The following ERICH5 variants were observed in gnomAD, a reference collection of about 807,000 sequenced individuals.
ERICH5 encodes glutamate-rich protein 5.
A neutral mutation model predicts 28.0 loss-of-function variants in ERICH5; 24 were observed. The ratio of observed to expected loss-of-function variants is 0.86; its 90% CI spans 0.62 to 1.21. ERICH5 has a LOEUF of 1.21. Among genes scored for constraint, ERICH5 ranks in the 50% most tolerant of loss-of-function variants. ERICH5 has a pLI of 0.00. For synonymous variants in ERICH5, 163 were observed against 157.6 expected (o/e 1.03, Z -0.25); for missense variants, 421 against 441.2 (o/e 0.95, Z 0.41).
intron 1 of ERICH5, among the ~76,000 whole-genome samples, chr8:98,086,291 G>A (rs377495553): frequency 1.3e-5 from 2 of 152,176 alleles, no homozygotes; most frequent in African/African-American, 4.8e-5. Context: ...ATTAGCAGTA[G>A]AGAAAACTGA....
At chr8:98,081,708 A>G (rs1391392021) in intron 1 of ERICH5, among the ~76,000 whole-genome samples, 1 of 152,192 alleles carries the variant, frequency 6.6e-6, no homozygotes, top group Non-Finnish European at 1.5e-5. Flanking sequence ...CGAGCAGATC[A>G]CGTGAGGTCG....
At chr8:98,068,029 A>G (rs769673871) in intron 1 of ERICH5, among the ~76,000 whole-genome samples, 4 of 151,652 alleles carry the variant, frequency 2.6e-5, no homozygotes, top group Non-Finnish European at 5.9e-5. Context: ...TTTATTTTTT[A>G]TTTAAAAAAT....
At chr8:98,075,496 G>A (rs773051642) in intron 1 of ERICH5, among the ~76,000 whole-genome samples, 5 of 151,254 alleles carry the variant, frequency 3.3e-5, no homozygotes, top group Non-Finnish European at 7.4e-5. Flanking sequence ...TTTGCTTAAT[G>A]TGATCTATTA....
chr8:98,089,977 T>A lies in ERICH5; in HGVS notation c.960T>A (p.Tyr320Ter). 6.2e-7 allele frequency: 1 copy of A among 1,613,990 alleles called. No homozygotes were observed. Among genetic ancestry groups the A allele is most frequent in the Non-Finnish European group, 8.5e-7 (1 of 1,180,012 alleles). ...HPARNVEAGA[Y>*]VEMIRNIHTN... The stretch of plus-strand genomic sequence containing the variant: ...CACGAAATGTAGAGGCAGGAGCATA[T>A]GTGGAAATGATCAGGAACATCCATA... The change falls in exon 2 of 3, where the codon TAT becomes TAA. Residue 320 changes from tyrosine (Y) to a stop codon, truncating the protein, a stop_gained. Coordinates refer to ENST00000318528, the MANE Select transcript of ERICH5 (RefSeq NM_173549.3). LOFTEE classifies it high-confidence loss of function.
Position 98,089,345 on chromosome 8 carries a change from C to G in ERICH5, c.328C>G (p.Leu110Val), listed in dbSNP as rs374440486. The change falls in exon 2 of 3, where the codon CTG (leucine) becomes GTG (valine). Residue 110 changes from leucine to valine, a missense_variant. By Grantham distance (32) the Leu-to-Val change is conservative (BLOSUM62 1). Transcript: ENST00000318528. Reference protein sequence around the residue: ...STEKTQPGEGLEESGPPQPGG... With the variant: ...STEKTQPGEGVEESGPPQPGG... ...AGAAAAGACTCAGCCTGGAGAGGGA[C>G]TGGAGGAATCTGGGCCGCCTCAACC... The G allele has an allele frequency of 3.7e-6, 6 of 1,614,232 alleles. No individual in the cohort carries two copies. In the African/African-American group the frequency reaches 8.0e-5, roughly 22 times the overall value.
At chr8:98,084,229 T>C (rs755940994) in intron 1 of ERICH5, among the ~76,000 whole-genome samples, 3 of 151,878 alleles carry the variant, frequency 2.0e-5, no homozygotes, top group African/African-American at 2.4e-5. Flanking sequence ...GAACCAGTGT[T>C]TCTCTAGACC....
At chr8:98,068,988 C>G (rs1409474148) in intron 1 of ERICH5, among the ~76,000 whole-genome samples, 1 of 152,170 alleles carries the variant, frequency 6.6e-6, no homozygotes, top group African/African-American at 2.4e-5. Context: ...AGTTTTCACC[C>G]AATATTTCAC....
chr8:98,084,832 T>G (rs1402499969), intron 1 of ERICH5, among the ~76,000 whole-genome samples: 1 of 152,172 alleles, frequency 6.6e-6, no homozygotes, highest in East Asian at 1.9e-4. Context: ...AGTGTACATT[T>G]TAGTAAACTC....
Position 98,073,979 on chromosome 8 carries a change from G to A in ERICH5, c.58+9252G>A, listed in dbSNP as rs145658552. On this transcript the variant is annotated intron_variant, in intron 1 of 2. Transcript: ENST00000318528. ...GTCACCCAGGCTGGAATGCAGTGGCGCTATCACAACTCACTGAAGCCTCGA... is the reference window on the plus strand; with the variant it reads ...GTCACCCAGGCTGGAATGCAGTGGCACTATCACAACTCACTGAAGCCTCGA... Among the ~76,000 whole-genome samples, 1,224 of 148,526 alleles carry A rather than the reference G, an allele frequency of 8.2e-3. 11 individuals carry two copies. Among genetic ancestry groups the A allele is most frequent in the Admixed American group, 0.014 (214 of 14,818 alleles).
chr8:98,086,778 A>G (rs545092493), intron 1 of ERICH5, among the ~76,000 whole-genome samples: 1 of 152,046 alleles, frequency 6.6e-6, no homozygotes, highest in East Asian at 1.9e-4. Flanking sequence ...GTGAAACCCC[A>G]TCTCTACTAA....
intron 1 of ERICH5, among the ~76,000 whole-genome samples, chr8:98,083,756 T>C (rs1563756667): frequency 6.6e-6 from 1 of 152,164 alleles, no homozygotes. Flanking sequence ...GATTTATACG[T>C]CCAACAGCCT....
chr8:98,075,150 T>C (rs1815025519), intron 1 of ERICH5, among the ~76,000 whole-genome samples: 1 of 152,100 alleles, frequency 6.6e-6, no homozygotes, highest in Admixed American at 6.6e-5. Flanking sequence ...CAAAGGTACA[T>C]GTGGTTGACT....
chr8:98,091,879 TC>T (rs1815398430), intron 2 of ERICH5, among the ~76,000 whole-genome samples: 1 of 94,754 alleles, frequency 1.1e-5, no homozygotes. Flanking sequence ...TTTCTTTCTT[TC>T]TTTCTTTCTT....
At chr8:98,092,563 C>A (rs1815426747) in intron 2 of ERICH5, among the ~76,000 whole-genome samples, 2 of 152,162 alleles carry the variant, frequency 1.3e-5, no homozygotes, top group African/African-American at 4.8e-5. Context: ...CCTCAGCTTG[C>A]CAAAGCATTG....
intron 1 of ERICH5, among the ~76,000 whole-genome samples, chr8:98,083,801 C>G (rs1049947924): frequency 6.6e-6 from 1 of 152,192 alleles, no homozygotes; most frequent in African/African-American, 2.4e-5. Context: ...AATCTACAAC[C>G]ATCTCCAAGA....
At chr8:98,071,672 C>T (rs1394510866) in intron 1 of ERICH5, among the ~76,000 whole-genome samples, 1 of 151,722 alleles carries the variant, frequency 6.6e-6, no homozygotes, top group Non-Finnish European at 1.5e-5. Flanking sequence ...AAGTGCCAGA[C>T]TATAGCTCTC....
At chr8:98,079,592 T>G (rs984163226) in intron 1 of ERICH5, among the ~76,000 whole-genome samples, 3 of 152,224 alleles carry the variant, frequency 2.0e-5, no homozygotes, top group Admixed American at 6.5e-5. Flanking sequence ...CAGGCTGGAG[T>G]GCAGTGGCGC....
chr8:98,083,214 C>A (rs1392383634), intron 1 of ERICH5, among the ~76,000 whole-genome samples: 1 of 152,198 alleles, frequency 6.6e-6, no homozygotes, highest in Non-Finnish European at 1.5e-5. Context: ...ATACTAATCA[C>A]TGTAATAACA....
Position 98,068,366 on chromosome 8 carries a change from A to AATT in ERICH5, c.58+3644_58+3646dup, listed in dbSNP as rs927973470. On this transcript the variant is annotated intron_variant, in intron 1 of 2. Transcript: ENST00000318528. Reference sequence around the variant, plus strand: ...AGAGGTGAAGACTCTGATTGTTAACAATTATTAGTGCTCCTCACAGCGTAG... The same window carrying AATT: ...AGAGGTGAAGACTCTGATTGTTAACAATTATTATTAGTGCTCCTCACAGCGTAG... 4.4e-4 allele frequency among the ~76,000 whole-genome samples: 67 copies of AATT among 152,282 alleles called. 1 individual carries two copies. The highest frequency in any genetic ancestry group is 1.6e-3 in the African/African-American group (66 of 41,538).
Sources: allele counts gnomAD v4.1 joint callset (sites outside exome capture counted in the v4.1 genomes callset), GRCh38; gene constraint gnomAD v4.1.1; transcripts MANE v1.5; gene names NCBI Gene and HGNC (gene_info 2026-07-23, HGNC 2026-07-21).